Variants in GRM1 observed in about 807,000 individuals in gnomAD.
GRM1 encodes the protein glutamate metabotropic receptor 1, also known as metabotropic glutamate receptor 1.
In GRM1, 33 loss-of-function variants were observed where a neutral mutation model predicts 90.9. The observed-to-expected ratio is 0.36, with a 90% CI of 0.28 to 0.49. The LOEUF is 0.49. Among genes scored for constraint, GRM1 ranks in the 20% least tolerant of loss-of-function variants. GRM1 has a pLI of 0.99. For synonymous variants in GRM1, 700 were observed against 613.2 expected (o/e 1.14, Z -2.09); for missense variants, 1,190 against 1,534.3 (o/e 0.78, Z 3.75).
At chr6:146,429,019 ATTTTCT>A (rs1217024238) in intron 7 of GRM1, among the ~76,000 whole-genome samples, 6 of 151,938 alleles carry the variant, frequency 3.9e-5, no homozygotes, top group African/African-American at 4.8e-5. Flanking sequence ...GGGCAAACTG[ATTTTCT>A]TTGTATTGTC....
At chr6:146,280,665 C>T (rs568621652) in intron 2 of GRM1, among the ~76,000 whole-genome samples, 32 of 152,280 alleles carry the variant, frequency 2.1e-4, no homozygotes, top group African/African-American at 7.7e-4. Context: ...CTCACTCAGG[C>T]AGGAGTGCAG....
chr6:146,069,720 T>C (rs1775964598), intron 1 of GRM1, among the ~76,000 whole-genome samples: 1 of 152,178 alleles, frequency 6.6e-6, no homozygotes, highest in South Asian at 2.1e-4. Flanking sequence ...CTTAAGAAAG[T>C]TATGAAAACT....
In GRM1 at chr6:146,434,987, A is replaced by G. The variant is rs942266642; in HGVS notation, c.*191A>G. On this transcript the variant is annotated 3_prime_UTR_variant, in exon 8 of 8. Coordinates refer to ENST00000282753, the MANE Select transcript of GRM1 (RefSeq NM_001278064.2). The stretch of plus-strand genomic sequence containing the variant: ...GAGAGGGAAGGACACCAAGCAAAAA[A>G]TGTTCCAGGCCAGGATTCGGATTCT... The G allele has an allele frequency of 1.8e-5, 11 of 606,550 alleles. No individual in the cohort carries two copies. The highest frequency in any genetic ancestry group is 6.7e-5 in the African/African-American group (3 of 44,726). 37.6% of individuals were successfully genotyped at this position (606,550 alleles called of 1,614,324 possible). A position where few individuals can be genotyped will look rare whatever the true frequency, so the allele number is the denominator to read the frequency against.
chr6:146,206,671 G>T (rs1779505335), intron 2 of GRM1, among the ~76,000 whole-genome samples: 1 of 151,378 alleles, frequency 6.6e-6, no homozygotes, highest in African/African-American at 2.4e-5. Flanking sequence ...ACATATGAAG[G>T]TTTGTTACAT....
chr6:146,309,366 T>C (rs991035308), intron 3 of GRM1, among the ~76,000 whole-genome samples: 11 of 151,616 alleles, frequency 7.3e-5, no homozygotes, highest in Admixed American at 7.2e-4. Context: ...GCCACTGCAC[T>C]CTAGCCTGAG....
intron 1 of GRM1, among the ~76,000 whole-genome samples, chr6:146,153,812 G>T (rs1239423743): frequency 6.6e-6 from 1 of 152,130 alleles, no homozygotes; most frequent in Non-Finnish European, 1.5e-5. Context: ...ACAACAAAAA[G>T]AATTGTTCAA....
rs575196090 is a variant in GRM1, at chr6:146,106,706, T to C, written c.701-52642T>C. 2.0e-3 allele frequency among the ~76,000 whole-genome samples: 301 copies of C among 152,336 alleles called. 1 individual carries two copies. Among genetic ancestry groups the C allele is most frequent in the African/African-American group, 7.0e-3 (291 of 41,572 alleles). On this transcript the variant is annotated intron_variant, in intron 1 of 7. Transcript: ENST00000282753. ...TGACTGCCAACAAAATCCTTTAGTTTATCACTTCACTGAGCCATGTCATCA... is the reference window on the plus strand; with the variant it reads ...TGACTGCCAACAAAATCCTTTAGTTCATCACTTCACTGAGCCATGTCATCA...
intron 2 of GRM1, among the ~76,000 whole-genome samples, chr6:146,249,801 G>A (rs760334570): frequency 1.3e-4 from 20 of 152,250 alleles, no homozygotes; most frequent in South Asian, 4.1e-4. Context: ...TGGAAAAGCC[G>A]GAAGCACTCA....
intron 2 of GRM1, among the ~76,000 whole-genome samples, chr6:146,251,948 T>C (rs572592018): frequency 6.6e-6 from 1 of 152,276 alleles, no homozygotes; most frequent in South Asian, 2.1e-4. Context: ...CTTCACCTCC[T>C]TCATGGATTT....
chr6:146,299,613 C>T (rs1246556041), intron 2 of GRM1, among the ~76,000 whole-genome samples: 1 of 152,158 alleles, frequency 6.6e-6, no homozygotes, highest in Non-Finnish European at 1.5e-5. Context: ...CAATACATGG[C>T]CTCCAGGTGC....
chr6:146,222,121 C>T (rs550427109), intron 2 of GRM1, among the ~76,000 whole-genome samples: 10 of 152,178 alleles, frequency 6.6e-5, no homozygotes, highest in African/African-American at 2.2e-4. Context: ...TTAATCCTTG[C>T]TTCTAACTCT....
chr6:146,422,328 G>A (rs1377941128), intron 7 of GRM1, among the ~76,000 whole-genome samples: 3 of 152,196 alleles, frequency 2.0e-5, no homozygotes, highest in Non-Finnish European at 4.4e-5. Context: ...ACATTCTTGA[G>A]TAAGGAAAGT....
At chr6:146,134,702 G>A (rs1006489473) in intron 1 of GRM1, among the ~76,000 whole-genome samples, 2 of 152,066 alleles carry the variant, frequency 1.3e-5, no homozygotes, top group African/African-American at 2.4e-5. Context: ...AGGCCATGGC[G>A]GGTGGATCAT....
At chr6:146,366,022 C>CT (rs1017185679) in intron 5 of GRM1, among the ~76,000 whole-genome samples, 1 of 152,066 alleles carries the variant, frequency 6.6e-6, no homozygotes, top group Non-Finnish European at 1.5e-5. Flanking sequence ...TTTCCAAAGC[C>CT]TTTTTTTGTA....
At chr6:146,082,579 T>G (rs946147430) in intron 1 of GRM1, among the ~76,000 whole-genome samples, 9 of 152,178 alleles carry the variant, frequency 5.9e-5, no homozygotes, top group African/African-American at 2.2e-4. Flanking sequence ...TCTTCCCATA[T>G]CCAATCAATC....
At chr6:146,432,125 C>T (rs940472008) in intron 7 of GRM1, among the ~76,000 whole-genome samples, 2 of 152,182 alleles carry the variant, frequency 1.3e-5, no homozygotes, top group Non-Finnish European at 2.9e-5. Flanking sequence ...AGCACTTCCA[C>T]AGTCTCAGAT....
chr6:146,416,024 T>C (rs1449886451), intron 7 of GRM1, among the ~76,000 whole-genome samples: 1 of 152,210 alleles, frequency 6.6e-6, no homozygotes, highest in Non-Finnish European at 1.5e-5. Context: ...TATTTTTGTT[T>C]GGTACTTGCA....
intron 2 of GRM1, among the ~76,000 whole-genome samples, chr6:146,249,059 C>T (rs1488191781): frequency 6.6e-6 from 1 of 152,168 alleles, no homozygotes; most frequent in Non-Finnish European, 1.5e-5. Flanking sequence ...ATTCTGAAAG[C>T]ATTCAGTTAC....
chr6:146,354,056 G>A (rs901136520), intron 4 of GRM1, among the ~76,000 whole-genome samples: 16 of 152,222 alleles, frequency 1.1e-4, no homozygotes, highest in African/African-American at 3.6e-4. Flanking sequence ...TGAGAGCTAA[G>A]TGGATTCTCC....
Sources: allele counts gnomAD v4.1 joint callset (sites outside exome capture counted in the v4.1 genomes callset), GRCh38; gene constraint gnomAD v4.1.1; transcripts MANE v1.5; gene names NCBI Gene and HGNC (gene_info 2026-07-23, HGNC 2026-07-21).